The following SMIM14 variants were observed in gnomAD, a reference collection of about 807,000 sequenced individuals.
The protein encoded by SMIM14 is small integral membrane protein 14, also known as chromosome 4 open reading frame 34.
Under a neutral mutation model 12.6 loss-of-function variants are expected in SMIM14, and 5 were observed. That is an observed-to-expected ratio of 0.40 (90% CI 0.21 to 0.83). The LOEUF (loss-of-function observed/expected upper bound fraction) is 0.83. SMIM14 is among the 40% of genes least tolerant of loss of function. The pLI is 0.37. For missense variants in SMIM14, 86 were observed against 119.1 expected (o/e 0.72, Z 1.29); for synonymous variants, 30 against 40.1 (o/e 0.75, Z 0.95).
chr4:39,572,277 C>CTTTTTT (rs71192876), intron 3 of SMIM14, 138 bp downstream of exon 3: 22 of 210,688 alleles, frequency 1.0e-4, no homozygotes, highest in African/African-American at 5.9e-4. Context: ...GTATGTGTCG[C>CTTTTTT]TTTTTTTTTT....
chr4:39,564,618 G>GT (rs1261442186), intron 3 of SMIM14, among the ~76,000 whole-genome samples: 1 of 152,066 alleles, frequency 6.6e-6, no homozygotes, highest in Non-Finnish European at 1.5e-5. Context: ...TCAGATTAGC[G>GT]TTTTTTAGAT....
chr4:39,574,141 G>A (rs1474334006), intron 2 of SMIM14, among the ~76,000 whole-genome samples: 1 of 151,474 alleles, frequency 6.6e-6, no homozygotes, highest in Non-Finnish European at 1.5e-5. Flanking sequence ...ACTTGGAATT[G>A]TTTGGGACGG....
chr4:39,603,577 A>G (rs999174781), intron 2 of SMIM14, among the ~76,000 whole-genome samples: 1 of 152,052 alleles, frequency 6.6e-6, no homozygotes, highest in East Asian at 1.9e-4. Context: ...TAAATAAAAA[A>G]TAATAATAAC....
intron 2 of SMIM14, among the ~76,000 whole-genome samples, chr4:39,591,159 G>C (rs544738243): frequency 6.6e-6 from 1 of 151,978 alleles, no homozygotes; most frequent in East Asian, 1.9e-4. Flanking sequence ...ACAATGTACA[G>C]GCTATGTAAA....
chr4:39,572,329 G>T, intron 3 of SMIM14, 86 bp downstream of exon 3: 3 of 335,838 alleles, frequency 8.9e-6, no homozygotes, highest in Non-Finnish European at 1.6e-5. Context: ...GGCAATGTAA[G>T]AATAAATTCT....
chr4:39,587,156 A>G (rs1713821474), intron 2 of SMIM14, among the ~76,000 whole-genome samples: 1 of 152,020 alleles, frequency 6.6e-6, no homozygotes, highest in Admixed American at 6.6e-5. Context: ...GATCCCTTCT[A>G]TGTAAAACAA....
chr4:39,554,549 A>G (rs1362773163), intron 4 of SMIM14, among the ~76,000 whole-genome samples: 1 of 151,412 alleles, frequency 6.6e-6, no homozygotes, highest in Non-Finnish European at 1.5e-5. Context: ...CAGAGGCTGC[A>G]GTGAGCTGAG....
chr4:39,622,542 A>C lies in SMIM14; in HGVS notation c.-36+16197T>G, dbSNP rs531821361. On this transcript the variant is annotated intron_variant, in intron 1 of 4. Transcript: ENST00000295958. ...CAGCCTCCCAAGTAGCTGGGATTAC[A>C]GGTGTGTGCCACCACACCCAGCTAA... Among the ~76,000 whole-genome samples the C allele has an allele frequency of 4.3e-4, 65 of 152,288 alleles. 1 individual carries two copies. The Middle Eastern group carries it at 0.01, about 24-fold the overall frequency.
intron 3 of SMIM14, among the ~76,000 whole-genome samples, chr4:39,562,069 A>G (rs975365729): frequency 6.6e-6 from 1 of 152,090 alleles, no homozygotes; most frequent in Non-Finnish European, 1.5e-5. Context: ...TGCTGCCAGA[A>G]AAGTCTGCTT....
intron 2 of SMIM14, chr4:39,594,153 T>C (rs1288383758): frequency 6.6e-6 from 1 of 152,142 alleles, no homozygotes; most frequent in Non-Finnish European, 1.5e-5. Context: ...CTTCAAACTA[T>C]ACTACAAGGC....
intron 3 of SMIM14, among the ~76,000 whole-genome samples, chr4:39,560,250 C>CT (rs773257583): frequency 0.11 from 15,416 of 140,488 alleles, 963 homozygotes; most frequent in South Asian, 0.18. Context: ...CTTTTCTTTT[C>CT]TTTTTTTTTT....
chr4:39,598,790 A>AGG (rs1386917151), intron 2 of SMIM14, among the ~76,000 whole-genome samples: 4 of 152,076 alleles, frequency 2.6e-5, no homozygotes, highest in African/African-American at 9.7e-5. Flanking sequence ...CTCACCAGGT[A>AGG]TTCTACCAAT....
chr4:39,560,975 G>T (rs1453400456), intron 3 of SMIM14, among the ~76,000 whole-genome samples: 1 of 151,958 alleles, frequency 6.6e-6, no homozygotes, highest in Non-Finnish European at 1.5e-5. Flanking sequence ...CCTCTTAAGG[G>T]ATCTCCCTAT....
intron 2 of SMIM14, among the ~76,000 whole-genome samples, chr4:39,590,877 A>G (rs764317224): frequency 6.6e-6 from 1 of 152,078 alleles, no homozygotes; most frequent in South Asian, 2.1e-4. Flanking sequence ...TATATGTAAC[A>G]TGATGAAGAT....
At position 39,549,590 on chromosome 4, in the gene SMIM14, AATT is replaced by A; in HGVS notation, c.*2533_*2535del. On this transcript the variant is annotated 3_prime_UTR_variant, in exon 5 of 5. Coordinates refer to ENST00000295958, the MANE Select transcript of SMIM14 (RefSeq NM_174921.3). ...CGCCCAGCTCCCAAAGCCAATTTTC[AATT>A]ATTTGTGAGCCATAGATTCAGTGAC... The A allele has an allele frequency of 6.6e-6, 1 of 152,236 alleles. No homozygotes were observed. Among genetic ancestry groups the A allele is most frequent in the East Asian group, 1.9e-4 (1 of 5,166 alleles). The allele number at this position is 152,236 out of a possible 1,614,324, so 9.4% of individuals were successfully genotyped here. A position where few individuals can be genotyped will look rare whatever the true frequency, so the allele number is the denominator to read the frequency against.
intron 2 of SMIM14, among the ~76,000 whole-genome samples, chr4:39,579,843 C>A (rs1411538979): frequency 0.012 from 1,519 of 123,484 alleles, no homozygotes; most frequent in Middle Eastern, 0.021. Context: ...GACTCCGTCT[C>A]AAAAAAAAAA....
intron 1 of SMIM14, among the ~76,000 whole-genome samples, chr4:39,614,342 A>G (rs1715144204): frequency 6.7e-6 from 1 of 148,630 alleles, no homozygotes; most frequent in Non-Finnish European, 1.5e-5. Context: ...TTTTTTTGAG[A>G]CAGAGTTTTG....
At chr4:39,567,176 C>T (rs1230673130) in intron 3 of SMIM14, among the ~76,000 whole-genome samples, 4 of 146,630 alleles carry the variant, frequency 2.7e-5, no homozygotes, top group Non-Finnish European at 6.0e-5. Context: ...AAAAGGAAGC[C>T]GCAATGTGAC....
intron 2 of SMIM14, among the ~76,000 whole-genome samples, chr4:39,595,404 T>G: frequency 1.2e-5 from 1 of 83,674 alleles, no homozygotes; most frequent in Non-Finnish European, 2.2e-5. Flanking sequence ...GGGACTGTTG[T>G]GGGGTGGGGG....
Sources: gnomAD v4.1 joint callset for allele counts (sites outside exome capture counted in the v4.1 genomes callset) on GRCh38, gnomAD v4.1.1 for gene constraint, MANE v1.5 for transcripts, NCBI Gene and HGNC (gene_info 2026-07-23, HGNC 2026-07-21) for gene names.